TTLL8: variants seen among roughly 807,000 people sequenced by gnomAD.
The protein encoded by TTLL8 is protein monoglycylase TTLL8.
TTLL8 carries 65 observed loss-of-function variants against 77.8 expected under a neutral mutation model. The observed-to-expected ratio is 0.84, with a 90% CI of 0.68 to 1.03. The LOEUF (loss-of-function observed/expected upper bound fraction) is 1.03. Ranked by LOEUF, TTLL8 falls within the 50% of genes least tolerant of loss-of-function variation. The pLI is 0.00. For synonymous variants in TTLL8, 402 were observed against 422.8 expected (o/e 0.95, Z 0.60); for missense variants, 910 against 1,004.5 (o/e 0.91, Z 1.27).
At chr22:50,020,473 T>A (rs971956352) in intron 12 of TTLL8, among the ~76,000 whole-genome samples, 2 of 147,846 alleles carry the variant, frequency 1.4e-5, no homozygotes, top group Admixed American at 1.3e-4. Context: ...TCAGATGATG[T>A]GTACTCCTCC....
chr22:50,024,072 G>C (rs946294589), intron 12 of TTLL8, among the ~76,000 whole-genome samples: 5 of 152,164 alleles, frequency 3.3e-5, no homozygotes, highest in African/African-American at 1.2e-4. Context: ...AAATGACATA[G>C]AGTAGCCAAC....
intron 6 of TTLL8, 164 bp downstream of exon 8, chr22:50,045,091 C>G (rs2061400170): frequency 1.5e-6 from 1 of 653,958 alleles, no homozygotes; most frequent in Non-Finnish European, 1.9e-6. Context: ...ACGGTTAGAA[C>G]AGAAAACCCG....
At chr22:50,039,527 C>T (rs2061355552) in intron 8 of TTLL8, among the ~76,000 whole-genome samples, 1 of 152,194 alleles carries the variant, frequency 6.6e-6, no homozygotes, top group Non-Finnish European at 1.5e-5. Flanking sequence ...AAAGAAACTA[C>T]TTGTAGAAGC....
chr22:50,038,054 A>T (rs1348481200), intron 8 of TTLL8, among the ~76,000 whole-genome samples: 1 of 152,060 alleles, frequency 6.6e-6, no homozygotes, highest in Admixed American at 6.6e-5. Context: ...ACTGTCTCTA[A>T]CTTTATAACT....
intron 8 of TTLL8, among the ~76,000 whole-genome samples, chr22:50,038,346 T>C (rs75657009): frequency 1.0e-3 from 153 of 152,304 alleles, no homozygotes; most frequent in African/African-American, 3.5e-3. Flanking sequence ...TTCTGATCTT[T>C]ATGCCTTACT....
In TTLL8 at chr22:50,041,404, TC is replaced by T; in HGVS notation, c.831-128del. 1.0e-6 allele frequency: 1 copy of T among 967,160 alleles called. No homozygotes were observed. Among genetic ancestry groups the T allele is most frequent in the Admixed American group, 3.1e-5 (1 of 32,634 alleles). 59.9% of individuals were successfully genotyped at this position (967,160 alleles called of 1,614,324 possible). A position where few individuals can be genotyped will look rare whatever the true frequency, so the allele number is the denominator to read the frequency against. On this transcript the variant is annotated intron_variant, in intron 7 of 13. Coordinates refer to ENST00000266182, the Ensembl canonical transcript of TTLL8. This position sits in a 1 kb window ranked among gnomAD's most constrained non-coding sequence, Gnocchi z 4.3. ...CAGACACCCCAATACCCAACAAGTATCCCAGACATCCAGACAGACACCACAA... is the reference window on the plus strand; with the variant it reads ...CAGACACCCCAATACCCAACAAGTATCCAGACATCCAGACAGACACCACAA...
chr22:50,043,194 G>A (rs1403645032), intron 6 of TTLL8, among the ~76,000 whole-genome samples: 1 of 148,924 alleles, frequency 6.7e-6, no homozygotes, highest in African/African-American at 2.4e-5. Context: ...TCAGTAGATG[G>A]ATAGATAGAT....
chr22:50,040,207 G>A (rs2061361748), intron 8 of TTLL8, among the ~76,000 whole-genome samples: 1 of 148,454 alleles, frequency 6.7e-6, no homozygotes, highest in Non-Finnish European at 1.5e-5. Context: ...GACCTCACAT[G>A]TGTCAGCATG....
intron 12 of TTLL8, among the ~76,000 whole-genome samples, chr22:50,020,190 GCAA>G (rs894206535): frequency 6.6e-6 from 1 of 152,186 alleles, no homozygotes; most frequent in Admixed American, 6.5e-5. Context: ...ATGACCAAAA[GCAA>G]CTGACAATCA....
chr22:50,048,235 C>A (rs1343677949), intron 3 of TTLL8, among the ~76,000 whole-genome samples: 1 of 151,976 alleles, frequency 6.6e-6, no homozygotes, highest in Non-Finnish European at 1.5e-5. Context: ...CGCCCCCACC[C>A]GGTAACTGCC....
At chr22:50,042,848 C>T (rs893118966) in intron 6 of TTLL8, among the ~76,000 whole-genome samples, 2 of 152,164 alleles carry the variant, frequency 1.3e-5, no homozygotes, top group African/African-American at 4.8e-5. Context: ...CAGACGCTGG[C>T]GAGGATGTGG....
chr22:50,032,018 T>C, exon 11 of TTLL8: 2 of 1,366,610 alleles, frequency 1.5e-6, no homozygotes, highest in Non-Finnish European at 2.0e-6. Context: ...AACCTGGTGC[T>C]GGTCCACATG....
chr22:50,050,295 A>C (rs755554306), intron 1 of TTLL8, 48 bp from the exon 4 acceptor site: 9 of 1,287,552 alleles, frequency 7.0e-6, no homozygotes, highest in Non-Finnish European at 9.2e-6. Flanking sequence ...ATTTTTGGGG[A>C]ATAGGCAGAT....
At chr22:50,048,651 T>C (rs1343674798) in intron 3 of TTLL8, among the ~76,000 whole-genome samples, 2 of 152,242 alleles carry the variant, frequency 1.3e-5, no homozygotes, top group African/African-American at 4.8e-5. Context: ...TCACTGGCCA[T>C]GTGGGAGGCG....
At chr22:50,031,926 G>T (rs373978372) in exon 11 of TTLL8, 2 of 1,366,988 alleles carry the variant, frequency 1.5e-6, no homozygotes, top group Non-Finnish European at 2.0e-6. Context: ...CCTTCATGGC[G>T]TGGGCGATGG....
At chr22:50,022,316 C>G (rs2061208590) in intron 12 of TTLL8, among the ~76,000 whole-genome samples, 2 of 151,028 alleles carry the variant, frequency 1.3e-5, no homozygotes. Flanking sequence ...GCACACTCCT[C>G]CGACGACGTG....
intron 12 of TTLL8, among the ~76,000 whole-genome samples, chr22:50,028,259 T>A (rs1204984387): frequency 6.6e-6 from 1 of 152,212 alleles, no homozygotes; most frequent in Non-Finnish European, 1.5e-5. Context: ...GGGCTAAGCC[T>A]CCAGCTGCCT....
At chr22:50,040,887 G>T (rs2061366194) in intron 8 of TTLL8, among the ~76,000 whole-genome samples, 1 of 152,092 alleles carries the variant, frequency 6.6e-6, no homozygotes, top group African/African-American at 2.4e-5. Flanking sequence ...GCTGTCAAGG[G>T]AGTGCTGAAC....
chr22:50,053,234 A>AAAAGCAC (rs1431567740), intron 1 of TTLL8, among the ~76,000 whole-genome samples: 1 of 152,048 alleles, frequency 6.6e-6, no homozygotes, highest in Non-Finnish European at 1.5e-5. Flanking sequence ...AAAAAAAAAA[A>AAAAGCAC]AAAAGCACAC....
Sources: gnomAD v4.1 joint callset for allele counts (sites outside exome capture counted in the v4.1 genomes callset) on GRCh38, gnomAD v4.1.1 for gene constraint, Gnocchi (gnomAD v3.1) non-coding constraint, MANE v1.5 for transcripts, NCBI Gene and HGNC (gene_info 2026-07-23, HGNC 2026-07-21) for gene names.